HCN4: variants seen among roughly 807,000 people sequenced by gnomAD.
HCN4 encodes the protein hyperpolarization activated cyclic nucleotide gated potassium channel 4.
Under a neutral mutation model 76.9 loss-of-function variants are expected in HCN4, and 29 were observed. That is an observed-to-expected ratio of 0.38 (90% CI 0.28 to 0.51). HCN4 has a LOEUF of 0.51. HCN4 is among the 20% of genes least tolerant of loss of function. The pLI is 0.90. For missense variants in HCN4, 1,416 were observed against 1,715.2 expected (o/e 0.83, Z 3.08); for synonymous variants, 772 against 762.5 (o/e 1.01, Z -0.21).
rs1595837408 is a variant in HCN4, at chr15:73,367,788, G to A, written c.483C>T (p.Pro161=). 1.5e-6 allele frequency: 2 copies of A among 1,338,868 alleles called. No homozygotes were observed. Among genetic ancestry groups the A allele is most frequent in the Non-Finnish European group, 9.5e-7 (1 of 1,054,568 alleles). 82.9% of individuals were successfully genotyped at this position (1,338,868 alleles called of 1,614,324 possible). The change falls in exon 1 of 8, where the codon CCC becomes CCT. Residue 161 remains proline (P), a synonymous_variant. Transcript: ENST00000261917. This position sits in a 1 kb window ranked among gnomAD's most constrained non-coding sequence, Gnocchi z 7.5. ...GCTGGGGCGGCGGCGGCGAGGCTGCGGGCTGCGCCGAGGCGCCGGGGCGCT... is the reference window on the plus strand; with the variant it reads ...GCTGGGGCGGCGGCGGCGAGGCTGCAGGCTGCGCCGAGGCGCCGGGGCGCT... The part of the protein sequence containing the change: ...EPERPGASAQ[P]AASPPPPQQP...
intron 1 of HCN4, among the ~76,000 whole-genome samples, chr15:73,365,843 G>T (rs983922690): frequency 2.0e-5 from 3 of 152,178 alleles, no homozygotes; most frequent in Non-Finnish European, 4.4e-5. Context: ...GCAATCTCGA[G>T]GGGTTGGTAC....
chr15:73,349,871 C>G (rs2043046170), intron 1 of HCN4, among the ~76,000 whole-genome samples: 1 of 152,200 alleles, frequency 6.6e-6, no homozygotes, highest in African/African-American at 2.4e-5. Flanking sequence ...GCAATGCTGG[C>G]ACCTGGTTCA....
chr15:73,343,233 G>A lies in HCN4; in HGVS notation c.1209+152C>T, dbSNP rs1371196707. 8.3e-6 allele frequency: 6 copies of A among 718,634 alleles called. No homozygotes were observed. The highest frequency in any genetic ancestry group is 3.4e-5 in the South Asian group (2 of 58,886). 44.5% of individuals were successfully genotyped at this position (718,634 alleles called of 1,614,324 possible). Reference sequence around the variant, plus strand: ...GTAAAGTATCCAGCACATGATAAGAGGTCAAGAACTTACTAGTATTTGTCC... The same window carrying A: ...GTAAAGTATCCAGCACATGATAAGAAGTCAAGAACTTACTAGTATTTGTCC... On this transcript the variant is annotated intron_variant, in intron 2 of 7. Transcript: ENST00000261917. The surrounding 1 kb of genome is among the most constrained non-coding windows in gnomAD (Gnocchi z 5.7).
chr15:73,330,952 A>G lies in HCN4; in HGVS notation c.1372-1161T>C, dbSNP rs1042038890. Reference sequence around the variant, plus strand: ...CAATCCATATGGCTGATTCATTTACACTTAGCTCATCAAAAGGCTGTTTTG... The same window carrying G: ...CAATCCATATGGCTGATTCATTTACGCTTAGCTCATCAAAAGGCTGTTTTG... On this transcript the variant is annotated intron_variant, in intron 3 of 7. Transcript: ENST00000261917. Among the ~76,000 whole-genome samples, 6 of 152,242 alleles carry G rather than the reference A, an allele frequency of 3.9e-5. No homozygotes were observed. The South Asian group carries it at 1.2e-3, about 32-fold the overall frequency.
chr15:73,359,354 G>T (rs1198918593), intron 1 of HCN4, among the ~76,000 whole-genome samples: 1 of 152,128 alleles, frequency 6.6e-6, no homozygotes, highest in African/African-American at 2.4e-5. Flanking sequence ...AGTTGGGTGG[G>T]GAGCTGTCAC....
At chr15:73,335,478 G>C (rs1206834538) in intron 2 of HCN4, 1 of 152,282 alleles carries the variant, frequency 6.6e-6, no homozygotes, top group Non-Finnish European at 1.5e-5. Context: ...TACCTTGACA[G>C]AAGGCACCAT....
intron 3 of HCN4, 151 bp downstream of exon 3, chr15:73,331,980 G>C: frequency 2.7e-6 from 2 of 750,238 alleles, no homozygotes; most frequent in East Asian, 5.3e-5. Flanking sequence ...GATTGGGCCT[G>C]TACTGGGTAG....
At chr15:73,345,115 G>A (rs2043024149) in intron 1 of HCN4, among the ~76,000 whole-genome samples, 1 of 152,166 alleles carries the variant, frequency 6.6e-6, no homozygotes, top group Admixed American at 6.5e-5. Context: ...GTCTTCAGAG[G>A]GTCTCACTGT....
rs1567764218 is a variant in HCN4, at chr15:73,320,678, C to T, written c.*1803G>A. The T allele has an allele frequency of 6.6e-6, 1 of 152,256 alleles. No individual in the cohort carries two copies. 9.4% of individuals were successfully genotyped at this position (152,256 alleles called of 1,614,324 possible). On this transcript the variant is annotated 3_prime_UTR_variant, in exon 8 of 8. Coordinates refer to ENST00000261917, the MANE Select transcript of HCN4 (RefSeq NM_005477.3). ...GTTGCCAGGACTAAGCCCAGACAAT[C>T]CCTTACCCTATCACCCAAGGCCGTC...
At chr15:73,340,503 G>C (rs1379560192) in intron 2 of HCN4, among the ~76,000 whole-genome samples, 1 of 152,202 alleles carries the variant, frequency 6.6e-6, no homozygotes, top group East Asian at 1.9e-4. Flanking sequence ...CAGGAGACAA[G>C]TGTGTCAGAG....
chr15:73,360,755 T>C (rs1354084948), intron 1 of HCN4, among the ~76,000 whole-genome samples: 4 of 152,186 alleles, frequency 2.6e-5, no homozygotes, highest in Non-Finnish European at 5.9e-5. Context: ...GCCTGGCACA[T>C]GGTAGGTGCT....
intron 1 of HCN4, among the ~76,000 whole-genome samples, chr15:73,359,475 G>A (rs900858448): frequency 2.6e-5 from 4 of 152,150 alleles, no homozygotes; most frequent in Admixed American, 2.6e-4. Context: ...ATACTAAGAG[G>A]TGTAGGAGCT....
intron 4 of HCN4, among the ~76,000 whole-genome samples, chr15:73,329,094 C>T (rs11072415): frequency 0.4 from 60,369 of 151,962 alleles, 12,980 homozygotes; most frequent in East Asian, 0.55. Context: ...AGCACCGGGG[C>T]CCCAGACAGA....
In HCN4 at chr15:73,321,299, A is replaced by C. The variant is rs2042855854; in HGVS notation, c.*1182T>G. 1 of 152,102 alleles carries C rather than the reference A, an allele frequency of 6.6e-6. No individual in the cohort carries two copies. The highest frequency in any genetic ancestry group is 2.4e-5 in the African/African-American group (1 of 41,386). The allele number at this position is 152,102 out of a possible 1,614,324, so 9.4% of individuals were successfully genotyped here. A position where few individuals can be genotyped will look rare whatever the true frequency, so the allele number is the denominator to read the frequency against. The stretch of plus-strand genomic sequence containing the variant: ...CATCTACCTCAGCCCCCCTCAACAC[A>C]GTTTTCTGATGGAAGGAACACAGAC... On this transcript the variant is annotated 3_prime_UTR_variant, in exon 8 of 8. Coordinates refer to ENST00000261917, the MANE Select transcript of HCN4 (RefSeq NM_005477.3).
At position 73,322,025 on chromosome 15, in the gene HCN4, C is replaced by T. The variant is rs2042861844; in HGVS notation, c.*456G>A. ...CCTTTTCTCCCAAGGTCGCAGGCTT[C>T]TGAGGCTCCCCAGGGCACACCCCAG... On this transcript the variant is annotated 3_prime_UTR_variant, in exon 8 of 8. Coordinates refer to ENST00000261917, the MANE Select transcript of HCN4 (RefSeq NM_005477.3). 5.1e-6 allele frequency: 1 copy of T among 196,652 alleles called. No homozygotes were observed. The highest frequency in any genetic ancestry group is 9.8e-5 in the South Asian group (1 of 10,206). The allele number at this position is 196,652 out of a possible 1,614,324, so 12.2% of individuals were successfully genotyped here.
Position 73,323,448 on chromosome 15 carries a change from G to T in HCN4, c.2645C>A (p.Pro882Gln). ...GGGGGAGCCACAGGCCCCGGGGGGT[G>T]GGGAGGAGCTGGATGAGGGCAGGAG... ...SPLLPSSSSS[P>Q]PPGACGSPSA... Residue 882 changes from proline to glutamine, a missense_variant, in exon 8 of 8, where the codon CCA becomes CAA. Pro to Gln is a moderately conservative substitution (Grantham distance 76, BLOSUM62 -1). Transcript: ENST00000261917. The T allele has an allele frequency of 1.2e-6, 2 of 1,609,338 alleles. No homozygotes were observed. Among genetic ancestry groups the T allele is most frequent in the Non-Finnish European group, 1.7e-6 (2 of 1,179,420 alleles).
chr15:73,323,437 C>T lies in HCN4; in HGVS notation c.2656G>A (p.Ala886Thr). The T allele has an allele frequency of 6.2e-7, 1 of 1,608,904 alleles. No individual in the cohort carries two copies. ...GTGGGAGCCGAGGGGGAGCCACAGG[C>T]CCCGGGGGGTGGGGAGGAGCTGGAT... ...PSSSSSPPPGACGSPSAPTPS... is the reference protein window; with the variant it reads ...PSSSSSPPPGTCGSPSAPTPS... The change falls in exon 8 of 8, where the codon GCC becomes ACC. Residue 886 changes from alanine to threonine, a missense_variant. Ala to Thr is a moderately conservative substitution (Grantham distance 58). Coordinates refer to ENST00000261917, the MANE Select transcript of HCN4 (RefSeq NM_005477.3).
At position 73,329,894 on chromosome 15, in the gene HCN4, G is replaced by GTGGC. The variant is rs1458083507; in HGVS notation, c.1372-107_1372-104dup. ...TCCTCACCTCAACCTAACTTTCTCA[G>GTGGC]TGGCTGGGCCCAGGGCTCCCTAACC... On this transcript the variant is annotated intron_variant, in intron 3 of 7. Transcript: ENST00000261917. 1.8e-5 allele frequency: 17 copies of GTGGC among 965,978 alleles called. No homozygotes were observed. In the African/African-American group the frequency reaches 2.3e-4, roughly 13 times the overall value. 59.8% of individuals were successfully genotyped at this position (965,978 alleles called of 1,614,324 possible).
Position 73,343,056 on chromosome 15 carries a change from A to G in HCN4, c.1209+329T>C, listed in dbSNP as rs1411658531. ...GTGGGCTCTAGAGGTGATCGGCTTA[A>G]GTTCACATTCCAGGTTCACAAATTA... On this transcript the variant is annotated intron_variant, in intron 2 of 7. Coordinates refer to ENST00000261917, the MANE Select transcript of HCN4 (RefSeq NM_005477.3). The surrounding 1 kb of genome is among the most constrained non-coding windows in gnomAD (Gnocchi z 5.7). 6.6e-6 allele frequency among the ~76,000 whole-genome samples: 1 copy of G among 152,252 alleles called. No individual in the cohort carries two copies. The highest frequency in any genetic ancestry group is 2.4e-5 in the African/African-American group (1 of 41,468).
Sources: allele counts gnomAD v4.1 joint callset (sites outside exome capture counted in the v4.1 genomes callset), GRCh38; gene constraint gnomAD v4.1.1; non-coding constraint Gnocchi (gnomAD v3.1); transcripts MANE v1.5; gene names NCBI Gene and HGNC (gene_info 2026-07-23, HGNC 2026-07-21).